The following CEP72 variants were observed in gnomAD, a reference collection of about 807,000 sequenced individuals.
The protein encoded by CEP72 is centrosomal protein of 72 kDa.
CEP72 carries 78 observed loss-of-function variants against 65.7 expected under a neutral mutation model. The observed-to-expected ratio is 1.19, with a 90% CI of 0.99 to 1.43. The LOEUF (loss-of-function observed/expected upper bound fraction) is 1.43. CEP72 is among the 40% of genes most tolerant of loss of function. The probability of loss-of-function intolerance (pLI) is 0.00; values close to 1 mark genes in which losing one functional copy is unlikely to be tolerated. For missense variants in CEP72, 914 were observed against 832.9 expected (o/e 1.10, Z -1.20); for synonymous variants, 358 against 351.7 (o/e 1.02, Z -0.20).
chr5:638,500 G>A (rs994869450), intron 7 of CEP72, among the ~76,000 whole-genome samples: 4 of 151,998 alleles, frequency 2.6e-5, no homozygotes, highest in African/African-American at 4.8e-5. Flanking sequence ...TTGAAGGTGC[G>A]GAACTGTGGG....
At chr5:626,644 A>G (rs1736775812) in intron 4 of CEP72, among the ~76,000 whole-genome samples, 2 of 151,018 alleles carry the variant, frequency 1.3e-5, no homozygotes, top group Admixed American at 1.3e-4. Context: ...ACATAGTGAG[A>G]CTCTGTCTGT....
At chr5:640,038 C>T (rs759309527) in intron 8 of CEP72, among the ~76,000 whole-genome samples, 1 of 152,222 alleles carries the variant, frequency 6.6e-6, no homozygotes, top group Non-Finnish European at 1.5e-5. Context: ...GGGACTGTCC[C>T]AGGCCCAGGC....
At chr5:676,237 C>G in the CEP72 span, 1 of 152,304 alleles carries the variant, frequency 6.6e-6, no homozygotes. Flanking sequence ...CAACAGGAAG[C>G]TCAGCAGGAC....
the CEP72 span, among the ~76,000 whole-genome samples, chr5:675,035 G>A: frequency 9.7e-6 from 1 of 103,392 alleles, no homozygotes; most frequent in Admixed American, 9.1e-5. Context: ...GGAGCAGTGA[G>A]GGGGGTACAG....
rs1376674138 is a variant in CEP72 at position 619,085 on chromosome 5, G to T, written c.178G>T (p.Asp60Tyr). 9.3e-6 allele frequency: 15 copies of T among 1,613,710 alleles called. No homozygotes were observed. In the East Asian group the frequency reaches 3.3e-4, roughly 36 times the overall value. ...LMSLTGLKSL[D>Y]LSRNSLVSLE... is the part of the protein sequence containing the mutation. ...GAGTTTAACAGGTCTGAAATCTTTG[G>T]ATCTCTCGCGCAACTCCTTGGTTAG... is the stretch of plus-strand genomic sequence containing the variant. The change falls in exon 2 of 12, where the codon GAT becomes TAT. Residue 60 changes from aspartate to tyrosine, a missense_variant. Physicochemically the swap from Asp to Tyr is radical, Grantham distance 160. Coordinates refer to ENST00000264935, the MANE Select transcript of CEP72 (RefSeq NM_018140.4).
chr5:624,950 T>C lies in CEP72; in HGVS notation c.512+371T>C, dbSNP rs1226428853. On this transcript the variant is annotated intron_variant, in intron 4 of 11. Coordinates refer to ENST00000264935, the MANE Select transcript of CEP72 (RefSeq NM_018140.4). This position sits in a 1 kb window ranked among gnomAD's most constrained non-coding sequence, Gnocchi z 4.7. ...TGCCCATCCAGCCAAATCCCACTTC[T>C]GGCCGTGAGCACATTCAGCAGGACC... 1.3e-5 allele frequency among the ~76,000 whole-genome samples: 2 copies of C among 152,212 alleles called. No homozygotes were observed. Among genetic ancestry groups the C allele is most frequent in the African/African-American group, 2.4e-5 (1 of 41,456 alleles).
intron 9 of CEP72, chr5:641,896 G>T (rs1332675682): frequency 2.2e-5 from 21 of 963,828 alleles, no homozygotes; most frequent in African/African-American, 2.0e-5. Context: ...GTGGTCCCCC[G>T]TCCAGAAGCC....
rs368408591 is a variant in CEP72, at chr5:620,110, C to G, written c.252C>G (p.Tyr84Ter). 1.2e-6 allele frequency: 2 copies of G among 1,614,026 alleles called. No homozygotes were observed. Among genetic ancestry groups the G allele is most frequent in the Non-Finnish European group, 1.7e-6 (2 of 1,179,950 alleles). The change falls in exon 3 of 12, where the codon TAC (tyrosine) becomes TAG (stop). Residue 84 changes from tyrosine to a stop codon, truncating the protein, a stop_gained. Transcript: ENST00000264935. LOFTEE classifies it high-confidence loss of function. ...CTGCATTGGAGAGTCTCAATCTCTA[C>G]TACAACTGCATCTCCTCGTTGGCAG... ...YLTALESLNLYYNCISSLAEV... is the reference protein window; with the variant it reads ...YLTALESLNL
chr5:668,971 C>T (rs1740077018), downstream of CEP72, among the ~76,000 whole-genome samples: 1 of 152,214 alleles, frequency 6.6e-6, no homozygotes, highest in Admixed American at 6.5e-5. Context: ...TAAACAGCAC[C>T]TGAGGGTTCC....
At chr5:616,625 A>G (rs964377498) in intron 1 of CEP72, among the ~76,000 whole-genome samples, 1 of 151,884 alleles carries the variant, frequency 6.6e-6, no homozygotes, top group Admixed American at 6.5e-5. Context: ...GCTGGGTGCC[A>G]CCTTGTTGCC....
exon 3 of CEP72, chr5:665,204 G>T: frequency 6.2e-7 from 1 of 1,613,884 alleles, no homozygotes; most frequent in South Asian, 1.1e-5. Flanking sequence ...CCTTGCCCTT[G>T]CCCTTGCCAG....
chr5:636,579 G>A (rs537588071), intron 6 of CEP72, among the ~76,000 whole-genome samples: 1 of 152,260 alleles, frequency 6.6e-6, no homozygotes, highest in East Asian at 1.9e-4. Context: ...GGGAGGCCGA[G>A]GCAGGCGGAT....
At chr5:649,069 C>T in intron 11 of CEP72, among the ~76,000 whole-genome samples, 1 of 137,236 alleles carries the variant, frequency 7.3e-6, no homozygotes, top group Non-Finnish European at 1.5e-5. Context: ...GAGGTGTGGA[C>T]TGTGAGGTGT....
chr5:618,658 TGA>T (rs1034851526), intron 1 of CEP72, among the ~76,000 whole-genome samples: 8 of 152,078 alleles, frequency 5.3e-5, no homozygotes, highest in Non-Finnish European at 1.2e-4. Context: ...GGAAAATGAC[TGA>T]GAGGACACAT....
chr5:674,160 C>T, the CEP72 span, among the ~76,000 whole-genome samples: 1 of 152,250 alleles, frequency 6.6e-6, no homozygotes, highest in Non-Finnish European at 1.5e-5. Context: ...AGCACCATCT[C>T]CACACCGCTT....
At chr5:644,814 C>T (rs1259998855) in intron 10 of CEP72, among the ~76,000 whole-genome samples, 6 of 152,280 alleles carry the variant, frequency 3.9e-5, no homozygotes, top group East Asian at 1.9e-4. Flanking sequence ...TGTTGCCCAG[C>T]GTCTCAGCGT....
rs116438940 is a variant in CEP72 at position 645,842 on chromosome 5, G to A, written c.1666+1417G>A. On this transcript the variant is annotated intron_variant, in intron 10 of 11. Coordinates refer to ENST00000264935, the MANE Select transcript of CEP72 (RefSeq NM_018140.4). This position sits in a 1 kb window ranked among gnomAD's most constrained non-coding sequence, Gnocchi z 4.0. ...AGGTGTCTTGGTCTTTGGTGGTTTG[G>A]TGATGTTCTTGTGACTAGAAATTGC... Among the ~76,000 whole-genome samples, 767 of 152,354 alleles carry A rather than the reference G, an allele frequency of 5.0e-3. 8 individuals are homozygous for A. The highest frequency in any genetic ancestry group is 0.018 in the African/African-American group (741 of 41,590).
chr5:658,630 T>C (rs1195377755), downstream of CEP72, among the ~76,000 whole-genome samples: 5 of 151,332 alleles, frequency 3.3e-5, no homozygotes, highest in Non-Finnish European at 7.4e-5. Flanking sequence ...TTCTCTTGTT[T>C]TATCAGCAAA....
chr5:649,653 T>C, intron 11 of CEP72, among the ~76,000 whole-genome samples: 1 of 88,022 alleles, frequency 1.1e-5, no homozygotes, highest in Non-Finnish European at 2.3e-5. Flanking sequence ...GAGGTGTGAC[T>C]GTGAGGTGTG....
Sources: gnomAD v4.1 joint callset for allele counts (sites outside exome capture counted in the v4.1 genomes callset) on GRCh38, gnomAD v4.1.1 for gene constraint, Gnocchi (gnomAD v3.1) non-coding constraint, MANE v1.5 for transcripts, NCBI Gene and HGNC (gene_info 2026-07-23, HGNC 2026-07-21) for gene names.